The following RAD51B variants were observed in gnomAD, a reference collection of about 807,000 sequenced individuals.
RAD51B encodes the protein RAD51 paralog B.
A neutral mutation model predicts 42.2 loss-of-function variants in RAD51B; 38 were observed. The ratio of observed to expected loss-of-function variants is 0.90; its 90% confidence interval spans 0.70 to 1.18. The LOEUF (loss-of-function observed/expected upper bound fraction) is 1.18. Ranked by LOEUF, RAD51B falls within the 50% of genes most tolerant of loss-of-function variation. RAD51B has a pLI of 0.00. For synonymous variants in RAD51B, 154 were observed against 145.2 expected, an observed-to-expected ratio of 1.06 and a Z score of -0.43; for missense variants, 373 against 400.7, an observed-to-expected ratio of 0.93 and a Z score of 0.59.
At chr14:68,595,885 A>T (rs975059981) in exon 11 of RAD51B, 2 of 304,892 alleles carry the variant, frequency 6.6e-6, no homozygotes, top group African/African-American at 4.3e-5. Flanking sequence ...TATGTATAAA[A>T]ATGTTAACAG....
intron 8 of RAD51B, among the ~76,000 whole-genome samples, chr14:68,362,861 A>T (rs80256122): frequency 1.6e-4 from 24 of 146,790 alleles, no homozygotes; most frequent in South Asian, 8.7e-4. Context: ...AAAAAAAATT[A>T]AAAAAAAAAA....
intron 7 of RAD51B, among the ~76,000 whole-genome samples, chr14:68,004,347 A>T (rs967378777): frequency 6.6e-6 from 1 of 151,150 alleles, no homozygotes; most frequent in Non-Finnish European, 1.5e-5. Flanking sequence ...AAAAAAAAAA[A>T]AAAAAAAAGA....
At chr14:68,342,906 C>G (rs918718074) in intron 8 of RAD51B, among the ~76,000 whole-genome samples, 1 of 151,830 alleles carries the variant, frequency 6.6e-6, no homozygotes, top group East Asian at 1.9e-4. Flanking sequence ...GTCCCAAATC[C>G]ACTCAGGCAA....
intron 9 of RAD51B, among the ~76,000 whole-genome samples, chr14:68,459,185 C>T (rs1168589465): frequency 6.6e-6 from 1 of 152,172 alleles, no homozygotes; most frequent in African/African-American, 2.4e-5. Flanking sequence ...GGAGCATTTC[C>T]GGCCCTTCTG....
chr14:68,501,871 A>C (rs555622815), intron 10 of RAD51B, among the ~76,000 whole-genome samples: 1 of 152,388 alleles, frequency 6.6e-6, no homozygotes, highest in Non-Finnish European at 1.5e-5. Flanking sequence ...TCCTGCAAGG[A>C]ACTAGAGCAG....
At chr14:68,353,743 G>C (rs538848665) in intron 8 of RAD51B, among the ~76,000 whole-genome samples, 2 of 152,198 alleles carry the variant, frequency 1.3e-5, no homozygotes, top group Non-Finnish European at 2.9e-5. Context: ...TCGCAGCAGG[G>C]GGAAAGGAGG....
At chr14:68,290,671 G>C (rs992941987) in intron 7 of RAD51B, among the ~76,000 whole-genome samples, 2 of 152,124 alleles carry the variant, frequency 1.3e-5, no homozygotes, top group African/African-American at 4.8e-5. Flanking sequence ...TTTAAAAGAG[G>C]AGTGTTATTT....
chr14:68,447,127 G>A (rs981226469), intron 9 of RAD51B, among the ~76,000 whole-genome samples: 5 of 152,186 alleles, frequency 3.3e-5, no homozygotes, highest in Non-Finnish European at 7.4e-5. Context: ...GCTGAGGCAG[G>A]AGAATCACTT....
At chr14:68,263,629 T>C (rs2080929842) in intron 7 of RAD51B, among the ~76,000 whole-genome samples, 1 of 152,274 alleles carries the variant, frequency 6.6e-6, no homozygotes, top group Admixed American at 6.5e-5. Context: ...TAGTTCTTGT[T>C]TGAACACACA....
rs114733253 is a variant in RAD51B at position 68,661,645 on chromosome 14, T to C, written c.*11+10789T>C. The stretch of plus-strand genomic sequence containing the variant: ...TGGTATGCCCAAGGAAGTGTTAGCA[T>C]GAAGGGGGCGTGGCATGCAAACATA... On this transcript the variant is annotated intron_variant, in intron 11 of 11. Coordinates refer to the RAD51B transcript ENST00000488612. 4.0e-3 allele frequency among the ~76,000 whole-genome samples: 614 copies of C among 152,308 alleles called. 6 individuals are homozygous for C. Among genetic ancestry groups the C allele is most frequent in the African/African-American group, 0.014 (585 of 41,552 alleles).
At chr14:67,923,740 C>G (rs2140140605) in intron 7 of RAD51B, among the ~76,000 whole-genome samples, 1 of 152,240 alleles carries the variant, frequency 6.6e-6, no homozygotes, top group Middle Eastern at 3.4e-3. Context: ...TGGTTAGATA[C>G]CCAGTAGTGG....
intron 7 of RAD51B, among the ~76,000 whole-genome samples, chr14:68,205,390 A>C (rs2079564058): frequency 6.6e-6 from 1 of 152,284 alleles, no homozygotes; most frequent in African/African-American, 2.4e-5. Context: ...TAGGAATTCA[A>C]AGGAAGGGAT....
At chr14:68,037,487 G>A (rs1285851926) in intron 7 of RAD51B, among the ~76,000 whole-genome samples, 1 of 151,934 alleles carries the variant, frequency 6.6e-6, no homozygotes, top group Non-Finnish European at 1.5e-5. Context: ...CCAAAGTGCT[G>A]GAATTACAGG....
intron 10 of RAD51B, among the ~76,000 whole-genome samples, chr14:68,573,342 C>T (rs1337228055): frequency 1.3e-5 from 2 of 152,162 alleles, no homozygotes; most frequent in Non-Finnish European, 2.9e-5. Flanking sequence ...CTTACTGTTT[C>T]TCAGAGAAAC....
At chr14:68,187,012 A>T (rs979500262) in intron 7 of RAD51B, among the ~76,000 whole-genome samples, 1 of 152,242 alleles carries the variant, frequency 6.6e-6, no homozygotes, top group Admixed American at 6.5e-5. Context: ...AGACCATGGA[A>T]TACTATGCAG....
At chr14:67,934,407 G>A (rs143659932) in intron 7 of RAD51B, among the ~76,000 whole-genome samples, 79 of 152,268 alleles carry the variant, frequency 5.2e-4, no homozygotes, top group Middle Eastern at 3.4e-3. Context: ...GTAGTAAAAT[G>A]CCATCAGTAA....
intron 7 of RAD51B, among the ~76,000 whole-genome samples, chr14:68,022,449 A>G (rs1308493170): frequency 2.0e-5 from 3 of 152,142 alleles, no homozygotes; most frequent in African/African-American, 7.2e-5. Flanking sequence ...GTATATCCCC[A>G]GTATTGGGAT....
chr14:68,061,970 G>C (rs979442579), intron 7 of RAD51B, among the ~76,000 whole-genome samples: 1 of 152,154 alleles, frequency 6.6e-6, no homozygotes, highest in African/African-American at 2.4e-5. Flanking sequence ...TCTTTGTCTT[G>C]TTCTGGTTCT....
intron 8 of RAD51B, among the ~76,000 whole-genome samples, chr14:68,349,416 G>C (rs935902677): frequency 6.6e-6 from 1 of 151,786 alleles, no homozygotes; most frequent in African/African-American, 2.4e-5. Flanking sequence ...ACCCAGGCTG[G>C]AGTGCAGTGG....
Sources: allele counts gnomAD v4.1 joint callset (sites outside exome capture counted in the v4.1 genomes callset), GRCh38; gene constraint gnomAD v4.1.1; transcripts MANE v1.5; gene names NCBI Gene and HGNC (gene_info 2026-07-23, HGNC 2026-07-21).